Variants in CREBBP observed in about 807,000 individuals in gnomAD.
CREBBP encodes CREB binding lysine acetyltransferase, also known as CREB-binding protein.
CREBBP carries 19 observed loss-of-function variants against 265.0 expected under a neutral mutation model. The observed-to-expected ratio is 0.07, with a 90% CI of 0.05 to 0.11. CREBBP has a LOEUF of 0.11. Ranked by LOEUF, CREBBP falls within the 10% of genes least tolerant of loss-of-function variation. The pLI is 1.00. For synonymous variants in CREBBP, 1,457 were observed against 1,223.7 expected (o/e 1.19, Z -3.98); for missense variants, 2,525 against 3,219.0 (o/e 0.78, Z 5.22).
intron 20 of CREBBP, among the ~76,000 whole-genome samples, chr16:3,750,051 C>T (rs2052437593): frequency 6.6e-6 from 1 of 152,078 alleles, no homozygotes; most frequent in Non-Finnish European, 1.5e-5. Flanking sequence ...CCAGGACTGG[C>T]TAATTTTTTG....
intron 3 of CREBBP, among the ~76,000 whole-genome samples, chr16:3,800,674 T>A (rs1373144469): frequency 6.6e-6 from 1 of 151,990 alleles, no homozygotes; most frequent in Non-Finnish European, 1.5e-5. Context: ...TGCTTGTGAA[T>A]TGCCACTGTA....
intron 13 of CREBBP, among the ~76,000 whole-genome samples, chr16:3,772,328 A>ACACAC (rs2053032131): frequency 2.1e-5 from 3 of 145,258 alleles, no homozygotes; most frequent in African/African-American, 5.1e-5. Context: ...CTGAAACACA[A>ACACAC]ACACACACAC....
At chr16:3,747,806 C>T (rs9635541) in intron 21 of CREBBP, among the ~76,000 whole-genome samples, 4,745 of 151,920 alleles carry the variant, frequency 0.031, 226 homozygotes, top group East Asian at 0.2. Flanking sequence ...ACTAAAAATA[C>T]AGGCTGGGTG....
At chr16:3,856,096 A>G (rs555317507) in intron 1 of CREBBP, among the ~76,000 whole-genome samples, 30 of 152,376 alleles carry the variant, frequency 2.0e-4, no homozygotes, top group African/African-American at 6.7e-4. Flanking sequence ...AAAGGAAAAA[A>G]GAAAATATGT....
At chr16:3,814,201 GACAGAGTCTCGT>G (rs2053992475) in intron 2 of CREBBP, among the ~76,000 whole-genome samples, 2 of 145,080 alleles carry the variant, frequency 1.4e-5, no homozygotes, top group African/African-American at 5.3e-5. Context: ...GTGTGTTTGA[GACAGAGTCTCGT>G]TCTGTGTGTG....
chr16:3,810,492 T>C (rs1555489225), intron 3 of CREBBP, 111 bp downstream of exon 3: 1 of 1,295,948 alleles, frequency 7.7e-7, no homozygotes, highest in Non-Finnish European at 1.1e-6. Flanking sequence ...TCTCTTCCTA[T>C]CACCTACTGA....
chr16:3,824,884 C>A (rs992181315), intron 2 of CREBBP, among the ~76,000 whole-genome samples: 2 of 152,238 alleles, frequency 1.3e-5, no homozygotes, highest in Non-Finnish European at 2.9e-5. Flanking sequence ...AGTGTGCCCA[C>A]TCATCGCTGA....
At chr16:3,742,599 C>T (rs545613279) in intron 23 of CREBBP, 3 of 152,118 alleles carry the variant, frequency 2.0e-5, no homozygotes, top group South Asian at 4.1e-4. Flanking sequence ...TATTATCTTA[C>T]TTTTATCCTG....
chr16:3,785,799 C>T (rs1346823368), intron 5 of CREBBP, among the ~76,000 whole-genome samples: 2 of 152,206 alleles, frequency 1.3e-5, no homozygotes, highest in Admixed American at 1.3e-4. Flanking sequence ...CTCGCTAGAG[C>T]ATAAAGCTCT....
At chr16:3,867,523 T>C (rs1310136142) in intron 1 of CREBBP, among the ~76,000 whole-genome samples, 1 of 152,110 alleles carries the variant, frequency 6.6e-6, no homozygotes, top group African/African-American at 2.4e-5. Context: ...CAATTATTCC[T>C]ATTTATATAA....
intron 2 of CREBBP, among the ~76,000 whole-genome samples, chr16:3,815,828 A>G (rs1451026448): frequency 1.3e-5 from 2 of 152,088 alleles, no homozygotes; most frequent in African/African-American, 2.4e-5. Context: ...TCAGTTATTT[A>G]AAAATGTAGA....
intron 19 of CREBBP, among the ~76,000 whole-genome samples, chr16:3,756,716 T>G (rs1184298157): frequency 6.6e-6 from 1 of 152,216 alleles, no homozygotes; most frequent in Non-Finnish European, 1.5e-5. Flanking sequence ...CATGCAAGTC[T>G]TTCCATGAGA....
rs552326313 is a variant in CREBBP at position 3,733,179 on chromosome 16, G to A, written c.4729-1242C>T. On this transcript the variant is annotated intron_variant, in intron 28 of 30. Coordinates refer to ENST00000262367, the MANE Select transcript of CREBBP (RefSeq NM_004380.3). ...AAATCAAGACCAACCTGGCTAACACGGTGAAACTCCGTCTCTACTAAAAAC... is the reference window on the plus strand; with the variant it reads ...AAATCAAGACCAACCTGGCTAACACAGTGAAACTCCGTCTCTACTAAAAAC... Among the ~76,000 whole-genome samples the A allele has an allele frequency of 2.0e-5, 3 of 151,948 alleles. No individual in the cohort carries two copies. In the South Asian group the frequency reaches 6.2e-4, roughly 32 times the overall value.
chr16:3,740,571 G>A (rs780167150), intron 23 of CREBBP, 22 bp from the exon 24 acceptor site: 2 of 1,614,104 alleles, frequency 1.2e-6, no homozygotes, highest in Non-Finnish European at 1.7e-6. Context: ...AGAAGGAGCA[G>A]GTGAGAGGGC....
rs2051835399 is a variant in CREBBP at position 3,729,073 on chromosome 16, C to T, written c.5974G>A (p.Gly1992Arg). The change falls in exon 31 of 31, where the codon GGG (glycine) becomes AGG (arginine). Residue 1992 changes from glycine (G) to arginine (R), a missense_variant. By Grantham distance (125) the Gly-to-Arg change is moderately radical (BLOSUM62 -2). This residue lies in a region of CREBBP where 275 missense variants were observed against 276.5 expected (regional missense o/e 0.99). Transcript: ENST00000262367. Reference protein sequence around the residue: ...PPGRTGMGTPGSQMAPVSLNV... With the variant: ...PPGRTGMGTPRSQMAPVSLNV... ...AGGCTCACGGGGGCCATCTGGCTCCCCGGGGTCCCCATGCCCGTGCGTCCT... is the reference window on the plus strand; with the variant it reads ...AGGCTCACGGGGGCCATCTGGCTCCTCGGGGTCCCCATGCCCGTGCGTCCT... 6.3e-7 allele frequency: 1 copy of T among 1,583,924 alleles called. No homozygotes were observed. The highest frequency in any genetic ancestry group is 8.5e-7 in the Non-Finnish European group (1 of 1,170,692).
chr16:3,790,000 A>G (rs532520308), intron 5 of CREBBP, among the ~76,000 whole-genome samples: 3 of 152,342 alleles, frequency 2.0e-5, no homozygotes, highest in Non-Finnish European at 4.4e-5. Flanking sequence ...TACTAAAAAC[A>G]AAAGATCCTC....
At chr16:3,743,417 G>C (rs912334482) in intron 23 of CREBBP, 5 of 152,288 alleles carry the variant, frequency 3.3e-5, no homozygotes, top group African/African-American at 1.2e-4. Flanking sequence ...GTTTGAACTT[G>C]AATTAAGACT....
chr16:3,799,812 T>C (rs2053677167), intron 3 of CREBBP, among the ~76,000 whole-genome samples: 1 of 152,188 alleles, frequency 6.6e-6, no homozygotes, highest in Non-Finnish European at 1.5e-5. Flanking sequence ...TCTGAATTTG[T>C]GGGAGAAAAC....
At chr16:3,831,213 T>C (rs2054336775) in intron 2 of CREBBP, among the ~76,000 whole-genome samples, 1 of 152,132 alleles carries the variant, frequency 6.6e-6, no homozygotes, top group African/African-American at 2.4e-5. Context: ...AAACCAACAA[T>C]AAAATATCTG....
Sources: gnomAD v4.1 joint callset for allele counts (sites outside exome capture counted in the v4.1 genomes callset) on GRCh38, gnomAD v4.1.1 for gene constraint, gnomAD v4.1.1 regional missense constraint, MANE v1.5 for transcripts, NCBI Gene and HGNC (gene_info 2026-07-23, HGNC 2026-07-21) for gene names.